RBM19: variants seen among roughly 807,000 people sequenced by gnomAD.
RBM19 encodes the protein probable RNA-binding protein 19.
Under a neutral mutation model 116.8 loss-of-function variants are expected in RBM19, and 94 were observed. The observed-to-expected ratio is 0.80, with a 90% CI of 0.68 to 0.95. RBM19 has a LOEUF of 0.95. RBM19 is among the 40% of genes least tolerant of loss of function. RBM19 has a pLI of 0.00. For synonymous variants in RBM19, 475 were observed against 494.1 expected, an observed-to-expected ratio of 0.96 and a Z score of 0.51; for missense variants, 1,161 against 1,220.7, an observed-to-expected ratio of 0.95 and a Z score of 0.73.
At chr12:113,840,690 T>A (rs1876388219) in intron 23 of RBM19, among the ~76,000 whole-genome samples, 1 of 152,192 alleles carries the variant, frequency 6.6e-6, no homozygotes, top group Non-Finnish European at 1.5e-5. Context: ...CCCCAGCCCC[T>A]TCTTCCTGCT....
intron 21 of RBM19, among the ~76,000 whole-genome samples, chr12:113,860,568 G>A (rs531933218): frequency 6.6e-6 from 1 of 152,354 alleles, no homozygotes; most frequent in African/African-American, 2.4e-5. Flanking sequence ...GCAACTGAGA[G>A]GCACATGGAA....
At chr12:113,830,466 T>C (rs1395834086) in intron 23 of RBM19, among the ~76,000 whole-genome samples, 2 of 151,438 alleles carry the variant, frequency 1.3e-5, no homozygotes, top group Non-Finnish European at 2.9e-5. Context: ...GGGTGTCTTG[T>C]GTGTGTGCAG....
At position 113,937,936 on chromosome 12, in the gene RBM19, A is replaced by G. The variant is rs190828850; in HGVS notation, c.1939-800T>C. ...TTTCCTACTCCATGAAAGCCTTGCA[A>G]ATCAGTTATTTTCAGAGAAATACAC... On this transcript the variant is annotated intron_variant, in intron 15 of 23. Coordinates refer to ENST00000261741, the MANE Select transcript of RBM19 (RefSeq NM_016196.4). Among the ~76,000 whole-genome samples the G allele has an allele frequency of 5.3e-5, 8 of 152,300 alleles. No homozygotes were observed. The East Asian group carries it at 1.4e-3, about 26-fold the overall frequency.
intron 21 of RBM19, among the ~76,000 whole-genome samples, chr12:113,859,892 T>C (rs10850227): frequency 0.33 from 50,179 of 152,036 alleles, 10,233 homozygotes; most frequent in East Asian, 0.83. Flanking sequence ...GGCCAAAGAC[T>C]GATTGGGTAA....
chr12:113,961,607 C>A (rs1237939907), intron 2 of RBM19, among the ~76,000 whole-genome samples: 1 of 152,130 alleles, frequency 6.6e-6, no homozygotes, highest in Non-Finnish European at 1.5e-5. Context: ...TCTGTTTTTT[C>A]CTTCTCAACA....
chr12:113,934,648 C>T (rs1869892531), intron 16 of RBM19, among the ~76,000 whole-genome samples: 1 of 152,088 alleles, frequency 6.6e-6, no homozygotes, highest in African/African-American at 2.4e-5. Context: ...GGGAAAGGAA[C>T]CATTCATGAC....
Position 113,951,538 on chromosome 12 carries a change from A to AC in RBM19, c.1000+973_1000+974insG, listed in dbSNP as rs1566038702. Among the ~76,000 whole-genome samples the AC allele has an allele frequency of 1.7e-3, 251 of 150,232 alleles. 1 individual carries two copies. In the East Asian group the frequency reaches 0.035, roughly 21 times the overall value. On this transcript the variant is annotated intron_variant, in intron 8 of 23. Transcript: ENST00000261741. The stretch of plus-strand genomic sequence containing the variant: ...TTACCTGACTGCACACACACACACA[A>AC]ACACACACACACTCACACACACAAA...
At chr12:113,961,905 G>C (rs532820788) in intron 2 of RBM19, among the ~76,000 whole-genome samples, 5 of 152,374 alleles carry the variant, frequency 3.3e-5, no homozygotes, top group African/African-American at 1.2e-4. Context: ...CTAAATGCAT[G>C]AGTGAATGGA....
intron 18 of RBM19, among the ~76,000 whole-genome samples, chr12:113,923,898 G>T (rs114504419): frequency 0.016 from 2,408 of 152,354 alleles, 71 homozygotes; most frequent in African/African-American, 0.054. Context: ...CTGCTGCCTG[G>T]TGGGGCCTGG....
At chr12:113,838,547 T>A (rs1593465777) in intron 23 of RBM19, among the ~76,000 whole-genome samples, 1 of 152,244 alleles carries the variant, frequency 6.6e-6, no homozygotes, top group Admixed American at 6.5e-5. Context: ...TGGCCCTGGA[T>A]GGGAAGCTAT....
intron 21 of RBM19, among the ~76,000 whole-genome samples, chr12:113,868,873 C>A (rs1351882866): frequency 6.6e-6 from 1 of 152,190 alleles, no homozygotes; most frequent in Non-Finnish European, 1.5e-5. Context: ...CACAGCATCA[C>A]CAAAAGAACC....
At chr12:113,835,643 TG>T (rs1875812942) in intron 23 of RBM19, among the ~76,000 whole-genome samples, 1 of 152,136 alleles carries the variant, frequency 6.6e-6, no homozygotes, top group Non-Finnish European at 1.5e-5. Flanking sequence ...CGGCGACCCA[TG>T]GGGACAGCCA....
intron 23 of RBM19, among the ~76,000 whole-genome samples, chr12:113,831,644 C>A (rs1448758126): frequency 6.6e-6 from 1 of 152,206 alleles, no homozygotes; most frequent in African/African-American, 2.4e-5. Context: ...GCCTTGCTGG[C>A]GACGGCTGAG....
chr12:113,823,680 C>G (rs1455766579), intron 23 of RBM19, among the ~76,000 whole-genome samples: 1 of 152,118 alleles, frequency 6.6e-6, no homozygotes, highest in Admixed American at 6.5e-5. Flanking sequence ...CATCCCCTCC[C>G]CATCTTCTAC....
At chr12:113,927,627 T>TA (rs1258118810) in intron 16 of RBM19, among the ~76,000 whole-genome samples, 1 of 151,034 alleles carries the variant, frequency 6.6e-6, no homozygotes, top group African/African-American at 2.4e-5. Context: ...AACCAGCACT[T>TA]AGTGAACTTT....
chr12:113,859,504 A>C (rs1177413921), intron 21 of RBM19, among the ~76,000 whole-genome samples: 2 of 152,154 alleles, frequency 1.3e-5, no homozygotes, highest in Non-Finnish European at 2.9e-5. Context: ...TTTCATTTCG[A>C]TATCTTCTAA....
At chr12:113,853,585 C>CT (rs2135732281) in intron 22 of RBM19, among the ~76,000 whole-genome samples, 1 of 152,332 alleles carries the variant, frequency 6.6e-6, no homozygotes, top group South Asian at 2.1e-4. Flanking sequence ...CCCTTCCTTT[C>CT]TTCCTTCAGG....
Position 113,823,084 on chromosome 12 carries a change from T to G in RBM19, c.*140A>C, listed in dbSNP as rs1429907467. ...GAGGCCTTCCTCATCCCCTGTCTCC[T>G]CCGACCTTGGACCAGTGCAGGGTGG... On this transcript the variant is annotated 3_prime_UTR_variant, in exon 24 of 24. Coordinates refer to ENST00000261741, the MANE Select transcript of RBM19 (RefSeq NM_016196.4). 7 of 732,574 alleles carry G rather than the reference T, an allele frequency of 9.6e-6. No homozygotes were observed. Among genetic ancestry groups the G allele is most frequent in the Non-Finnish European group, 1.5e-5 (7 of 457,208 alleles). The allele number at this position is 732,574 out of a possible 1,614,324, so 45.4% of individuals were successfully genotyped here. A position where few individuals can be genotyped will look rare whatever the true frequency, so the allele number is the denominator to read the frequency against.
chr12:113,887,393 T>G (rs2891478), intron 21 of RBM19, among the ~76,000 whole-genome samples: 10,127 of 151,964 alleles, frequency 0.067, 656 homozygotes, highest in East Asian at 0.34. Context: ...ATCCCAGCAC[T>G]TTGGGAGGCC....
Sources: allele counts gnomAD v4.1 joint callset (sites outside exome capture counted in the v4.1 genomes callset), GRCh38; gene constraint gnomAD v4.1.1; transcripts MANE v1.5; gene names NCBI Gene and HGNC (gene_info 2026-07-23, HGNC 2026-07-21).